The following DPYS variants were observed in gnomAD, a reference collection of about 807,000 sequenced individuals.
DPYS encodes dihydropyrimidinase, also known as dihydropyrimidine amidohydrolase.
Under a neutral mutation model 50.3 loss-of-function variants are expected in DPYS, and 39 were observed. That is an observed-to-expected ratio of 0.78 (90% CI 0.60 to 1.01). DPYS has a LOEUF of 1.01. Ranked by LOEUF, DPYS falls within the 50% of genes least tolerant of loss-of-function variation. DPYS has a pLI of 0.00. For synonymous variants in DPYS, 245 were observed against 250.7 expected (o/e 0.98, Z 0.22); for missense variants, 659 against 680.9 (o/e 0.97, Z 0.36).
At chr8:104,400,053 C>T (rs1385881582) in intron 7 of DPYS, among the ~76,000 whole-genome samples, 6 of 151,866 alleles carry the variant, frequency 4.0e-5, no homozygotes, top group Admixed American at 3.3e-4. Flanking sequence ...GAGGGTACAT[C>T]CCTGAGCTCA....
intron 7 of DPYS, chr8:104,424,013 A>T: frequency 1.0e-6 from 1 of 985,438 alleles, no homozygotes; most frequent in Non-Finnish European, 1.2e-6. Flanking sequence ...TTGGTTTTAT[A>T]TACAGATCCA....
At chr8:104,445,384 T>C (rs894031051) in intron 3 of DPYS, among the ~76,000 whole-genome samples, 3 of 152,136 alleles carry the variant, frequency 2.0e-5, no homozygotes, top group African/African-American at 7.2e-5. Flanking sequence ...CATCAGCAGA[T>C]GAATAGATAA....
chr8:104,452,714 G>A (rs868587259), intron 1 of DPYS, among the ~76,000 whole-genome samples: 4 of 152,050 alleles, frequency 2.6e-5, no homozygotes, highest in African/African-American at 9.7e-5. Context: ...GGTGGCATGC[G>A]CCTGCAGTCC....
chr8:104,382,172 C>T (rs1811073791), intron 8 of DPYS, among the ~76,000 whole-genome samples: 1 of 152,126 alleles, frequency 6.6e-6, no homozygotes, highest in East Asian at 1.9e-4. Context: ...CACACAGCCC[C>T]AGAGAGTACA....
At chr8:104,461,537 T>A (rs1814169041) in intron 1 of DPYS, among the ~76,000 whole-genome samples, 1 of 152,122 alleles carries the variant, frequency 6.6e-6, no homozygotes, top group South Asian at 2.1e-4. Flanking sequence ...TATAAGGATG[T>A]CTGTCACAGC....
rs911671076 is a variant in DPYS, at chr8:104,461,668, G to T, written c.264+4989C>A. Among the ~76,000 whole-genome samples the T allele has an allele frequency of 4.6e-5, 7 of 152,284 alleles. No homozygotes were observed. The East Asian group carries it at 1.4e-3, about 29-fold the overall frequency. On this transcript the variant is annotated intron_variant, in intron 1 of 9. Transcript: ENST00000351513. ...AATGAGTTTGAAACTTGAAGGAGAGGTCACATTTGGTTTGGAACATGCTGA... is the reference window on the plus strand; with the variant it reads ...AATGAGTTTGAAACTTGAAGGAGAGTTCACATTTGGTTTGGAACATGCTGA...
At chr8:104,440,339 A>G (rs1813306770) in intron 4 of DPYS, among the ~76,000 whole-genome samples, 1 of 152,086 alleles carries the variant, frequency 6.6e-6, no homozygotes, top group Admixed American at 6.5e-5. Flanking sequence ...TCATATGCAT[A>G]TGAATCACCT....
At chr8:104,413,807 T>A (rs1301808366) in intron 7 of DPYS, among the ~76,000 whole-genome samples, 1 of 152,238 alleles carries the variant, frequency 6.6e-6, no homozygotes, top group Admixed American at 6.5e-5. Context: ...GCCTCAGATA[T>A]TCCTGCTCTG....
chr8:104,406,393 A>G (rs2140559265), intron 7 of DPYS, among the ~76,000 whole-genome samples: 1 of 152,266 alleles, frequency 6.6e-6, no homozygotes, highest in African/African-American at 2.4e-5. Flanking sequence ...CATTTTGCAC[A>G]CATGATACCT....
At chr8:104,444,462 T>C (rs755350507) in intron 3 of DPYS, 25 bp from the exon 4 acceptor site, 1 of 1,613,678 alleles carries the variant, frequency 6.2e-7, no homozygotes, top group Non-Finnish European at 8.5e-7. Flanking sequence ...GGAATGTGTA[T>C]ATGTGCAAGG....
At chr8:104,437,792 G>C (rs542987530) in intron 4 of DPYS, among the ~76,000 whole-genome samples, 1 of 152,196 alleles carries the variant, frequency 6.6e-6, no homozygotes, top group African/African-American at 2.4e-5. Context: ...CCTCTATTGG[G>C]GTCTGGACTG....
intron 1 of DPYS, among the ~76,000 whole-genome samples, chr8:104,458,078 G>A (rs538249147): frequency 6.6e-6 from 1 of 152,186 alleles, no homozygotes. Context: ...TAAAGAGGGT[G>A]TGTTAATGAG....
intron 7 of DPYS, among the ~76,000 whole-genome samples, chr8:104,394,403 C>T (rs1002538170): frequency 6.6e-6 from 1 of 152,188 alleles, no homozygotes; most frequent in Non-Finnish European, 1.5e-5. Context: ...TTTGCTCCTC[C>T]CTTGAGTTCT....
chr8:104,427,673 C>T (rs1264595628), intron 6 of DPYS, among the ~76,000 whole-genome samples: 1 of 151,972 alleles, frequency 6.6e-6, no homozygotes, highest in Non-Finnish European at 1.5e-5. Context: ...AAGGGCTATG[C>T]CATTTCAGAG....
chr8:104,416,680 C>A (rs1039815376), intron 7 of DPYS, among the ~76,000 whole-genome samples: 1 of 151,804 alleles, frequency 6.6e-6, no homozygotes, highest in African/African-American at 2.4e-5. Flanking sequence ...TGTGTGTGCA[C>A]GCTTTCTTTG....
At chr8:104,405,568 C>T (rs1811968183) in intron 7 of DPYS, among the ~76,000 whole-genome samples, 2 of 152,212 alleles carry the variant, frequency 1.3e-5, no homozygotes, top group African/African-American at 4.8e-5. Flanking sequence ...CTTGGAGGCT[C>T]TGTCAGAGCT....
chr8:104,381,363 C>A, intron 8 of DPYS, 49 bp from the exon 9 acceptor site: 2 of 1,544,784 alleles, frequency 1.3e-6, no homozygotes, highest in South Asian at 2.2e-5. Context: ...TTCTTGAGTT[C>A]AAAGTTAAGT....
intron 4 of DPYS, among the ~76,000 whole-genome samples, chr8:104,440,372 T>C (rs1025719603): frequency 8.5e-5 from 13 of 152,210 alleles, no homozygotes; most frequent in African/African-American, 3.1e-4. Flanking sequence ...ATAAATGCAC[T>C]TTCTGATTCA....
intron 4 of DPYS, among the ~76,000 whole-genome samples, chr8:104,438,401 G>C (rs2140681239): frequency 6.6e-6 from 1 of 152,252 alleles, no homozygotes; most frequent in South Asian, 2.1e-4. Context: ...GAGAAACTTT[G>C]CAAGACAATA....
Sources: allele counts gnomAD v4.1 joint callset (sites outside exome capture counted in the v4.1 genomes callset), GRCh38; gene constraint gnomAD v4.1.1; transcripts MANE v1.5; gene names NCBI Gene and HGNC (gene_info 2026-07-23, HGNC 2026-07-21).